Variants in TMEM178B observed in about 807,000 individuals in gnomAD.
The protein encoded by TMEM178B is transmembrane protein 178B.
In TMEM178B, 5 loss-of-function variants were observed where a neutral mutation model predicts 31.0. The observed-to-expected ratio is 0.16, with a 90% CI of 0.08 to 0.34. TMEM178B has a LOEUF of 0.34. Among genes scored for constraint, TMEM178B ranks in the 10% least tolerant of loss-of-function variants. TMEM178B has a pLI of 1.00. For synonymous variants in TMEM178B, 164 were observed against 164.0 expected (o/e 1.00, Z 0.00); for missense variants, 275 against 400.3 (o/e 0.69, Z 2.67).
At chr7:141,199,173 C>CA (rs375306019) in intron 1 of TMEM178B, among the ~76,000 whole-genome samples, 3 of 151,720 alleles carry the variant, frequency 2.0e-5, no homozygotes, top group Non-Finnish European at 2.9e-5. Flanking sequence ...TCAAAACATG[C>CA]AAAAAAACTC....
chr7:141,119,849 C>T (rs1181535816), intron 1 of TMEM178B, among the ~76,000 whole-genome samples: 2 of 152,192 alleles, frequency 1.3e-5, no homozygotes, highest in Non-Finnish European at 2.9e-5. Context: ...ATTGCGGGCT[C>T]TCTTTTCCTC....
intron 2 of TMEM178B, among the ~76,000 whole-genome samples, chr7:141,281,284 G>C (rs558670175): frequency 3.9e-5 from 6 of 152,146 alleles, no homozygotes; most frequent in Admixed American, 3.3e-4. Context: ...TTGCTCTTCT[G>C]GTGCCATCAG....
chr7:141,217,899 C>G (rs772406938), intron 2 of TMEM178B, among the ~76,000 whole-genome samples: 1 of 152,134 alleles, frequency 6.6e-6, no homozygotes, highest in Non-Finnish European at 1.5e-5. Context: ...ATCAGATGCT[C>G]TCTGCTATCT....
intron 2 of TMEM178B, among the ~76,000 whole-genome samples, chr7:141,272,754 C>T (rs918782966): frequency 6.6e-6 from 1 of 152,208 alleles, no homozygotes; most frequent in Non-Finnish European, 1.5e-5. Flanking sequence ...TTAAACATGA[C>T]TTGCGGACAA....
At chr7:141,240,832 C>T (rs73167482) in intron 2 of TMEM178B, among the ~76,000 whole-genome samples, 8,109 of 152,172 alleles carry the variant, frequency 0.053, 392 homozygotes, top group East Asian at 0.18. Context: ...TTTCTTTCCT[C>T]CTCCTTGTGA....
intron 1 of TMEM178B, among the ~76,000 whole-genome samples, chr7:141,133,543 A>AAAAAAT: frequency 6.6e-6 from 1 of 152,164 alleles, no homozygotes; most frequent in East Asian, 1.9e-4. Flanking sequence ...AGTCAGACTT[A>AAAAAAT]AAAAATAAAA....
At position 141,286,089 on chromosome 7, in the gene TMEM178B, T is replaced by A. The variant is rs561282588; in HGVS notation, c.496+73385T>A. Among the ~76,000 whole-genome samples the A allele has an allele frequency of 2.6e-5, 4 of 151,720 alleles. No homozygotes were observed. In the South Asian group the frequency reaches 6.3e-4, roughly 24 times the overall value. On this transcript the variant is annotated intron_variant, in intron 2 of 3. Transcript: ENST00000565468. ...ACATGTATCCCAGAACTTAAAAGTATAATAATAATAATAACAGCTGAAATT... is the reference window on the plus strand; with the variant it reads ...ACATGTATCCCAGAACTTAAAAGTAAAATAATAATAATAACAGCTGAAATT...
At chr7:141,468,990 G>A (rs1802193614) in intron 3 of TMEM178B, among the ~76,000 whole-genome samples, 2 of 152,094 alleles carry the variant, frequency 1.3e-5, no homozygotes, top group South Asian at 2.1e-4. Context: ...TCTACCTGGC[G>A]GGCACCATCT....
chr7:141,340,506 CA>C (rs1799498316), intron 2 of TMEM178B, among the ~76,000 whole-genome samples: 1 of 152,154 alleles, frequency 6.6e-6, no homozygotes. Flanking sequence ...TTATGTTTTT[CA>C]AAGAGGTAAA....
At chr7:141,360,874 C>G (rs1048344211) in intron 2 of TMEM178B, among the ~76,000 whole-genome samples, 5 of 151,268 alleles carry the variant, frequency 3.3e-5, no homozygotes, top group Admixed American at 3.3e-4. Flanking sequence ...TTTTTAGGAA[C>G]AAAATACCAT....
intron 2 of TMEM178B, among the ~76,000 whole-genome samples, chr7:141,251,015 C>T (rs1797823534): frequency 1.3e-5 from 2 of 152,010 alleles, no homozygotes; most frequent in Admixed American, 6.6e-5. Flanking sequence ...TCTATGTTTC[C>T]CTAAAGGGTC....
chr7:141,305,564 A>C (rs1798803206), intron 2 of TMEM178B, among the ~76,000 whole-genome samples: 1 of 152,036 alleles, frequency 6.6e-6, no homozygotes, highest in Admixed American at 6.6e-5. Flanking sequence ...AGTAGCTGGG[A>C]TTACAGGCGA....
At chr7:141,160,603 C>T (rs891933954) in intron 1 of TMEM178B, among the ~76,000 whole-genome samples, 3 of 152,284 alleles carry the variant, frequency 2.0e-5, no homozygotes, top group Admixed American at 6.5e-5. Flanking sequence ...ATGACACATG[C>T]TCCATAACTG....
intron 2 of TMEM178B, among the ~76,000 whole-genome samples, chr7:141,428,705 G>A (rs370098801): frequency 6.6e-6 from 1 of 152,298 alleles, no homozygotes; most frequent in East Asian, 1.9e-4. Context: ...CCATGCCAAT[G>A]TATAAAGCCC....
chr7:141,177,164 G>C (rs1056591613), intron 1 of TMEM178B, among the ~76,000 whole-genome samples: 12 of 152,004 alleles, frequency 7.9e-5, no homozygotes, highest in African/African-American at 2.9e-4. Flanking sequence ...TGTTCTCATT[G>C]GTTTCAAACT....
chr7:141,301,311 C>T lies in TMEM178B; in HGVS notation c.496+88607C>T, dbSNP rs548411822. ...CGTGAAATTTCTCTTCTTTGTTATA[C>T]TTTAATAAACATGCACAATATATAA... is the stretch of plus-strand genomic sequence containing the variant. On this transcript the variant is annotated intron_variant, in intron 2 of 3. Transcript: ENST00000565468. Among the ~76,000 whole-genome samples the T allele has an allele frequency of 6.1e-4, 93 of 152,258 alleles. 2 individuals are homozygous for T. The South Asian group carries it at 0.017, about 28-fold the overall frequency.
chr7:141,082,763 C>T (rs1045704584), intron 1 of TMEM178B, among the ~76,000 whole-genome samples: 1 of 152,212 alleles, frequency 6.6e-6, no homozygotes, highest in Non-Finnish European at 1.5e-5. Flanking sequence ...CACTCCAGCT[C>T]ATGGTTTCCC....
chr7:141,285,177 T>TTTTTTTTC (rs1233859035), intron 2 of TMEM178B, among the ~76,000 whole-genome samples: 1 of 140,168 alleles, frequency 7.1e-6, no homozygotes, highest in African/African-American at 2.8e-5. Flanking sequence ...TTTTTTTTTT[T>TTTTTTTTC]TGAGACGTAG....
At chr7:141,134,899 C>A (rs1181323054) in intron 1 of TMEM178B, among the ~76,000 whole-genome samples, 2 of 152,116 alleles carry the variant, frequency 1.3e-5, no homozygotes, top group African/African-American at 2.4e-5. Context: ...CCATAAGTAC[C>A]ACATGTTTTG....
Sources: allele counts gnomAD v4.1 joint callset (sites outside exome capture counted in the v4.1 genomes callset), GRCh38; gene constraint gnomAD v4.1.1; transcripts MANE v1.5; gene names NCBI Gene and HGNC (gene_info 2026-07-23, HGNC 2026-07-21).